Variants in PPM1H observed in about 807,000 individuals in gnomAD.
PPM1H encodes protein phosphatase, Mg2+/Mn2+ dependent 1H, also known as protein phosphatase 1H.
In PPM1H, 27 loss-of-function variants were observed where a neutral mutation model predicts 54.9. The observed-to-expected ratio is 0.49, with a 90% confidence interval of 0.36 to 0.68. PPM1H has a LOEUF of 0.68. Among genes scored for constraint, PPM1H ranks in the 30% least tolerant of loss-of-function variants. The pLI is 0.00. For synonymous variants in PPM1H, 305 were observed against 270.8 expected (o/e 1.13, Z -1.24); for missense variants, 596 against 667.8 (o/e 0.89, Z 1.19).
intron 1 of PPM1H, among the ~76,000 whole-genome samples, chr12:62,906,955 G>T (rs988296838): frequency 5.9e-5 from 9 of 152,222 alleles, no homozygotes; most frequent in Non-Finnish European, 1.5e-5. Flanking sequence ...GAAATACAAT[G>T]GTGAAGTTTC....
At chr12:62,793,863 TA>T (rs2076715878) in intron 3 of PPM1H, among the ~76,000 whole-genome samples, 1 of 151,710 alleles carries the variant, frequency 6.6e-6, no homozygotes, top group Non-Finnish European at 1.5e-5. Flanking sequence ...GAAAGTCTCA[TA>T]GATGATGCAA....
At chr12:62,858,042 T>C (rs1192767984) in intron 1 of PPM1H, among the ~76,000 whole-genome samples, 1 of 151,970 alleles carries the variant, frequency 6.6e-6, no homozygotes, top group Admixed American at 6.6e-5. Context: ...ACATTTGCAA[T>C]GGATCCCCAA....
intron 1 of PPM1H, among the ~76,000 whole-genome samples, chr12:62,899,496 C>G (rs886598597): frequency 6.6e-6 from 1 of 152,204 alleles, no homozygotes; most frequent in African/African-American, 2.4e-5. Flanking sequence ...TTACAAAAGT[C>G]TGACTGACAA....
At chr12:62,896,044 G>T (rs954235729) in intron 1 of PPM1H, among the ~76,000 whole-genome samples, 6 of 152,150 alleles carry the variant, frequency 3.9e-5, no homozygotes, top group Non-Finnish European at 5.9e-5. Context: ...CTAGGGAAAT[G>T]CATTTCTATT....
chr12:62,854,818 C>T (rs1023108153), intron 1 of PPM1H, among the ~76,000 whole-genome samples: 11 of 151,124 alleles, frequency 7.3e-5, no homozygotes, highest in Non-Finnish European at 1.5e-4. Context: ...GACACAAAAG[C>T]AATATTAAAA....
intron 3 of PPM1H, among the ~76,000 whole-genome samples, chr12:62,791,140 C>A (rs1353518458): frequency 6.6e-6 from 1 of 152,144 alleles, no homozygotes; most frequent in Non-Finnish European, 1.5e-5. Flanking sequence ...ATGGATTCCA[C>A]AATTCACAAA....
chr12:62,896,344 T>C (rs1403069892), intron 1 of PPM1H, among the ~76,000 whole-genome samples: 1 of 152,170 alleles, frequency 6.6e-6, no homozygotes, highest in Non-Finnish European at 1.5e-5. Flanking sequence ...TTTTGCAATC[T>C]ACCCATCTGA....
intron 2 of PPM1H, among the ~76,000 whole-genome samples, chr12:62,831,728 T>TGA (rs916786906): frequency 6.6e-6 from 1 of 151,056 alleles, no homozygotes; most frequent in Admixed American, 6.6e-5. Flanking sequence ...TGTGTGTGTG[T>TGA]GAGTGTGTGT....
At chr12:62,802,364 G>A (rs564499120) in intron 2 of PPM1H, among the ~76,000 whole-genome samples, 40 of 152,220 alleles carry the variant, frequency 2.6e-4, no homozygotes, top group Non-Finnish European at 5.4e-4. Context: ...GTCCCCAAAT[G>A]AGCCATTGTT....
chr12:62,826,412 G>A (rs1051881488), intron 2 of PPM1H, among the ~76,000 whole-genome samples: 2 of 152,146 alleles, frequency 1.3e-5, no homozygotes, highest in Admixed American at 1.3e-4. Context: ...TTATGCCACT[G>A]CACTCCAGCC....
chr12:62,836,070 C>A (rs79865614), intron 1 of PPM1H, among the ~76,000 whole-genome samples: 2,024 of 152,288 alleles, frequency 0.013, 39 homozygotes, highest in East Asian at 0.049. Context: ...AAAGTCAGTA[C>A]CACCTTGAGG....
intron 1 of PPM1H, among the ~76,000 whole-genome samples, chr12:62,851,492 CAGG>C (rs759251582): frequency 6.6e-6 from 1 of 151,988 alleles, no homozygotes; most frequent in Non-Finnish European, 1.5e-5. Flanking sequence ...CACCTGAGGT[CAGG>C]AGTTCAAGAC....
At chr12:62,819,686 T>C (rs1176617998) in intron 2 of PPM1H, among the ~76,000 whole-genome samples, 1 of 152,206 alleles carries the variant, frequency 6.6e-6, no homozygotes, top group African/African-American at 2.4e-5. Context: ...GTTTTACTTA[T>C]TTCAAACATT....
intron 4 of PPM1H, among the ~76,000 whole-genome samples, chr12:62,782,676 A>C (rs2076649159): frequency 6.6e-6 from 1 of 152,246 alleles, no homozygotes. Flanking sequence ...CTGTGGGCTC[A>C]ATTCAAAAAC....
At chr12:62,706,966 A>G (rs918109516) in intron 6 of PPM1H, among the ~76,000 whole-genome samples, 5 of 152,226 alleles carry the variant, frequency 3.3e-5, no homozygotes, top group African/African-American at 9.6e-5. Flanking sequence ...CAAGATCACT[A>G]TAGAATTAGA....
intron 9 of PPM1H, among the ~76,000 whole-genome samples, chr12:62,666,945 C>A (rs2075921867): frequency 6.6e-6 from 1 of 152,154 alleles, no homozygotes; most frequent in Non-Finnish European, 1.5e-5. Flanking sequence ...AACTCCTGAC[C>A]TCATGATTCA....
intron 1 of PPM1H, among the ~76,000 whole-genome samples, chr12:62,860,189 A>AG (rs947869688): frequency 6.6e-6 from 1 of 152,144 alleles, no homozygotes; most frequent in African/African-American, 2.4e-5. Context: ...TGCAAAGCAA[A>AG]GGGGGGAAAG....
intron 4 of PPM1H, among the ~76,000 whole-genome samples, chr12:62,740,832 G>A (rs768417425): frequency 6.6e-6 from 1 of 152,146 alleles, no homozygotes; most frequent in South Asian, 2.1e-4. Flanking sequence ...GAAGTCCTTC[G>A]GAGAGCAGGG....
chr12:62,795,209 A>AT (rs1427765026), intron 3 of PPM1H, among the ~76,000 whole-genome samples: 2 of 151,758 alleles, frequency 1.3e-5, no homozygotes, highest in South Asian at 2.1e-4. Context: ...CATTGGAAGC[A>AT]TTTTTTTCTC....
Sources: allele counts gnomAD v4.1 joint callset (sites outside exome capture counted in the v4.1 genomes callset), GRCh38; gene constraint gnomAD v4.1.1; transcripts MANE v1.5; gene names NCBI Gene and HGNC (gene_info 2026-07-23, HGNC 2026-07-21).